The following PTER variants were observed in gnomAD, a reference collection of about 807,000 sequenced individuals.
The protein encoded by PTER is phosphotriesterase related.
A neutral mutation model predicts 29.6 loss-of-function variants in PTER; 38 were observed. That is an observed-to-expected ratio of 1.28 (90% CI 0.99 to 1.68). The LOEUF (loss-of-function observed/expected upper bound fraction) is 1.68. Ranked by LOEUF, PTER falls within the 40% of genes most tolerant of loss-of-function variation. PTER has a pLI of 0.00. For synonymous variants in PTER, 172 were observed against 154.5 expected, an observed-to-expected ratio of 1.11 and a Z score of -0.84; for missense variants, 482 against 427.8, an observed-to-expected ratio of 1.13 and a Z score of -1.12.
rs1284764325 is a variant in PTER at position 16,484,558 on chromosome 10, T to C, written c.174T>C (p.Tyr58=). The change falls in exon 2 of 5, where the codon TAT becomes TAC. Residue 58 remains tyrosine, a synonymous_variant. Coordinates refer to ENST00000535784, the MANE Select transcript of PTER (RefSeq NM_001261836.2). ...AACCTATCGTGATGAAAAATTTATA[T>C]TGGATTCAGAAAAACGCCTATTCCC... ...SKEPIVMKNL[Y]WIQKNAYSHK... 13 of 1,614,062 alleles carry C rather than the reference T, an allele frequency of 8.1e-6. No homozygotes were observed. Among genetic ancestry groups the C allele is most frequent in the Non-Finnish European group, 1.0e-5 (12 of 1,180,002 alleles).
chr10:16,462,690 C>G (rs1834661232), intron 1 of PTER, among the ~76,000 whole-genome samples: 1 of 151,670 alleles, frequency 6.6e-6, no homozygotes, highest in Non-Finnish European at 1.5e-5. Context: ...CCTGCCTCAG[C>G]CTCCTGAGTA....
At chr10:16,457,607 T>A (rs112081364) in intron 1 of PTER, among the ~76,000 whole-genome samples, 3 of 149,522 alleles carry the variant, frequency 2.0e-5, no homozygotes, top group Admixed American at 6.6e-5. Context: ...GTACTTTGTT[T>A]TTGTTTTTTT....
intron 1 of PTER, among the ~76,000 whole-genome samples, chr10:16,454,689 C>CTT (rs5783505): frequency 1.3e-5 from 2 of 151,670 alleles, no homozygotes; most frequent in Non-Finnish European, 1.5e-5. Flanking sequence ...AATGTCAAGA[C>CTT]ATATAATATA....
In PTER at chr10:16,484,760, G is replaced by A. The variant is rs149963880; in HGVS notation, c.376G>A (p.Gly126Arg). The A allele has an allele frequency of 2.6e-4, 413 of 1,613,626 alleles. No homozygotes were observed. Among genetic ancestry groups the A allele is most frequent in the Non-Finnish European group, 3.2e-4 (377 of 1,179,888 alleles). The change falls in exon 2 of 5, where the codon GGG (glycine) becomes AGG (arginine). Residue 126 changes from glycine (G) to arginine (R), a missense_variant. Gly to Arg is a moderately radical substitution (Grantham distance 125). Coordinates refer to ENST00000535784, the MANE Select transcript of PTER (RefSeq NM_001261836.2). Reference protein sequence around the residue: ...ETGVHIISGAGFYVDATHSSE... With the variant: ...ETGVHIISGARFYVDATHSSE... ...TGGCGTCCATATCATATCTGGAGCC[G>A]GGTTTTATGTGGATGCAACTCACTC...
chr10:16,484,672 G>C lies in PTER; in HGVS notation c.288G>C (p.Val96=), dbSNP rs1330911707. ...YFKANGGGAL[V]ENTTTGISRD... is the part of the protein sequence containing the mutation. ...AAGCTAATGGTGGAGGGGCTTTGGT[G>C]GAAAACACAACCACTGGGATTAGCC... The change falls in exon 2 of 5, where the codon GTG becomes GTC. Residue 96 remains valine (V), a synonymous_variant. Coordinates refer to ENST00000535784, the MANE Select transcript of PTER (RefSeq NM_001261836.2). 3 of 1,614,150 alleles carry C rather than the reference G, an allele frequency of 1.9e-6. No homozygotes were observed. The highest frequency in any genetic ancestry group is 2.5e-6 in the Non-Finnish European group (3 of 1,180,012).
chr10:16,474,178 G>A (rs911145261), intron 1 of PTER, among the ~76,000 whole-genome samples: 3 of 152,206 alleles, frequency 2.0e-5, no homozygotes, highest in African/African-American at 7.2e-5. Context: ...AGGAGAAATT[G>A]GTAGGAATGG....
chr10:16,488,627 A>T (rs541508944), intron 3 of PTER, among the ~76,000 whole-genome samples: 3 of 150,650 alleles, frequency 2.0e-5, no homozygotes, highest in Admixed American at 2.0e-4. Flanking sequence ...AGAGAGAGAG[A>T]GTCTGTCTCT....
At chr10:16,514,213 T>C (rs1268633909), downstream of PTER, 5 of 430,574 alleles carry the variant, frequency 1.2e-5, no homozygotes, top group East Asian at 1.7e-4. Context: ...ATCATATATA[T>C]AGAAGAAATA....
chr10:16,462,927 G>A (rs959149364), intron 1 of PTER, among the ~76,000 whole-genome samples: 38 of 150,916 alleles, frequency 2.5e-4, no homozygotes, highest in African/African-American at 9.0e-4. Flanking sequence ...GGCGTGGTGA[G>A]TCACGCCTGT....
intron 1 of PTER, among the ~76,000 whole-genome samples, chr10:16,471,893 C>G (rs1321600807): frequency 6.6e-6 from 1 of 152,194 alleles, no homozygotes; most frequent in Non-Finnish European, 1.5e-5. Flanking sequence ...ACCAGCAGAG[C>G]AACATTTTTA....
chr10:16,465,220 C>T (rs1259766229), intron 1 of PTER, among the ~76,000 whole-genome samples: 2 of 149,286 alleles, frequency 1.3e-5, no homozygotes, highest in South Asian at 4.3e-4. Flanking sequence ...TATATAAAAA[C>T]GATGAGTGAC....
At chr10:16,493,611 C>T (rs1408734172) in intron 3 of PTER, among the ~76,000 whole-genome samples, 1 of 151,926 alleles carries the variant, frequency 6.6e-6, no homozygotes, top group Non-Finnish European at 1.5e-5. Context: ...CAAAATTTCC[C>T]CACCCCTGCC....
Position 16,466,033 on chromosome 10 carries a change from G to C in PTER, c.-48-18304G>C, listed in dbSNP as rs993639330. Among the ~76,000 whole-genome samples the C allele has an allele frequency of 1.6e-4, 25 of 152,132 alleles. 1 individual carries two copies. Among genetic ancestry groups the C allele is most frequent in the Non-Finnish European group, 5.9e-5 (4 of 68,022 alleles). On this transcript the variant is annotated intron_variant, in intron 1 of 4. Coordinates refer to ENST00000535784, the MANE Select transcript of PTER (RefSeq NM_001261836.2). ...GATTATGGGGATTACAATTTGAGAT[G>C]AGATTTGGGTGGGGACGTGAAGCCA...
chr10:16,452,014 T>G (rs1417589717), intron 1 of PTER, among the ~76,000 whole-genome samples: 2 of 152,154 alleles, frequency 1.3e-5, no homozygotes, highest in Non-Finnish European at 2.9e-5. Context: ...TAGTTTTTCT[T>G]TAAACCAATC....
intron 4 of PTER, among the ~76,000 whole-genome samples, chr10:16,509,631 C>T (rs1389546577): frequency 1.3e-5 from 2 of 152,128 alleles, no homozygotes; most frequent in African/African-American, 4.8e-5. Context: ...ATTGTGTGTG[C>T]ATTCTGTCAA....
chr10:16,471,984 T>A (rs1588604768), intron 1 of PTER, among the ~76,000 whole-genome samples: 1 of 152,150 alleles, frequency 6.6e-6, no homozygotes, highest in African/African-American at 2.4e-5. Flanking sequence ...GGCTAGGAGG[T>A]TGTCATACCT....
At chr10:16,455,472 T>C (rs984936118) in intron 1 of PTER, among the ~76,000 whole-genome samples, 2 of 151,012 alleles carry the variant, frequency 1.3e-5, no homozygotes, top group African/African-American at 4.9e-5. Context: ...AGGAGGATCG[T>C]TTGAGCCCAG....
intron 1 of PTER, among the ~76,000 whole-genome samples, chr10:16,439,709 C>T (rs923874005): frequency 6.6e-6 from 1 of 152,130 alleles, no homozygotes; most frequent in African/African-American, 2.4e-5. Flanking sequence ...TAAATATCTT[C>T]TTTTTAAAAT....
chr10:16,482,208 A>G (rs1355425151), intron 1 of PTER, among the ~76,000 whole-genome samples: 1 of 152,200 alleles, frequency 6.6e-6, no homozygotes, highest in African/African-American at 2.4e-5. Context: ...ATATATCGCA[A>G]ACACCTGAGT....
Sources: allele counts gnomAD v4.1 joint callset (sites outside exome capture counted in the v4.1 genomes callset), GRCh38; gene constraint gnomAD v4.1.1; transcripts MANE v1.5; gene names NCBI Gene and HGNC (gene_info 2026-07-23, HGNC 2026-07-21).